Variants in SRSF10 observed in about 807,000 individuals in gnomAD.
SRSF10 encodes serine/arginine-rich splicing factor 10.
SRSF10 carries 9 observed loss-of-function variants against 32.6 expected under a neutral mutation model. The ratio of observed to expected loss-of-function variants is 0.28; its 90% CI spans 0.17 to 0.48. The LOEUF is 0.48. Ranked by LOEUF, SRSF10 falls within the 20% of genes least tolerant of loss-of-function variation. SRSF10 has a pLI of 0.99. For missense variants in SRSF10, 201 were observed against 331.8 expected (o/e 0.61, Z 3.06); for synonymous variants, 105 against 112.4 (o/e 0.93, Z 0.42).
Position 23,966,832 on chromosome 1 carries a change from A to T in SRSF10, c.*4310T>A, listed in dbSNP as rs2148492671. ...ATACTTTTAAATGGCAGATAACCACACAATTACTTATCCTTGATCGTATAT... is the reference window on the plus strand; with the variant it reads ...ATACTTTTAAATGGCAGATAACCACTCAATTACTTATCCTTGATCGTATAT... On this transcript the variant is annotated 3_prime_UTR_variant, in exon 6 of 6. Coordinates refer to ENST00000492112, the MANE Select transcript of SRSF10 (RefSeq NM_054016.4). The T allele has an allele frequency of 6.6e-6, 1 of 152,194 alleles. No individual in the cohort carries two copies. The allele number at this position is 152,194 out of a possible 1,614,324, so 9.4% of individuals were successfully genotyped here.
At position 23,969,055 on chromosome 1, in the gene SRSF10, C is replaced by G. The variant is rs1394808002; in HGVS notation, c.*2087G>C. The G allele has an allele frequency of 4.6e-6, 4 of 868,532 alleles. No homozygotes were observed. In the African/African-American group the frequency reaches 7.3e-5, roughly 16 times the overall value. The allele number at this position is 868,532 out of a possible 1,614,324, so 53.8% of individuals were successfully genotyped here. ...TGTTATTTTAGAATCATATTCAATA[C>G]TGTAATAATTCCAGTTAATCATTAT... On this transcript the variant is annotated 3_prime_UTR_variant, in exon 6 of 6. Coordinates refer to ENST00000492112, the MANE Select transcript of SRSF10 (RefSeq NM_054016.4).
At chr1:23,972,081 G>GA (rs1361495210) in intron 3 of SRSF10, 69 bp from the exon 4 acceptor site, 13 of 1,338,910 alleles carry the variant, frequency 9.7e-6, no homozygotes, top group Non-Finnish European at 1.2e-5. Flanking sequence ...AATAAATAGG[G>GA]AAAAAAATCC....
rs984759017 is a variant in SRSF10 at position 23,966,265 on chromosome 1, G to A, written c.*4877C>T. On this transcript the variant is annotated 3_prime_UTR_variant, in exon 6 of 6. Transcript: ENST00000492112. ...ACACCTCCCTTGAAAATATACCTCT[G>A]CTATATTTTCAAAATTGCTACAAAT... 2 of 151,686 alleles carry A rather than the reference G, an allele frequency of 1.3e-5. No homozygotes were observed. Among genetic ancestry groups the A allele is most frequent in the Non-Finnish European group, 3.0e-5 (2 of 67,766 alleles). The allele number at this position is 151,686 out of a possible 1,614,324, so 9.4% of individuals were successfully genotyped here.
chr1:23,969,019 A>G lies in SRSF10; in HGVS notation c.*2123T>C, dbSNP rs1347454451. 2.4e-5 allele frequency: 17 copies of G among 708,018 alleles called. No individual in the cohort carries two copies. Among genetic ancestry groups the G allele is most frequent in the Non-Finnish European group, 2.9e-5 (17 of 576,626 alleles). The allele number at this position is 708,018 out of a possible 1,614,324, so 43.9% of individuals were successfully genotyped here. A position where few individuals can be genotyped will look rare whatever the true frequency, so the allele number is the denominator to read the frequency against. ...TAAAATATTCCTAAATCTATAAAGG[A>G]CTGTTTCCATTGTTATTTTAGAATC... On this transcript the variant is annotated 3_prime_UTR_variant, in exon 6 of 6. Coordinates refer to ENST00000492112, the MANE Select transcript of SRSF10 (RefSeq NM_054016.4).
At chr1:23,974,844 AGAAAG>A in intron 3 of SRSF10, 125 bp downstream of exon 3, 1 of 713,644 alleles carries the variant, frequency 1.4e-6, no homozygotes. Flanking sequence ...AAAAAAAAAA[AGAAAG>A]AAAGAAAGAA....
chr1:23,980,100 C>T (rs1642371283), intron 1 of SRSF10, 91 bp downstream of exon 1: 1 of 1,361,146 alleles, frequency 7.3e-7, no homozygotes, highest in Non-Finnish European at 9.9e-7. Flanking sequence ...CACTCCGTCC[C>T]CTCCCCCGGC....
intron 3 of SRSF10, 77 bp from the exon 4 acceptor site, chr1:23,972,089 T>C: frequency 7.9e-6 from 10 of 1,270,392 alleles, no homozygotes; most frequent in Non-Finnish European, 9.4e-6. Flanking sequence ...GGGAAAAAAA[T>C]CCCTGCATCC....
chr1:23,974,637 T>C (rs1641974975), intron 3 of SRSF10, among the ~76,000 whole-genome samples: 1 of 152,190 alleles, frequency 6.6e-6, no homozygotes, highest in Non-Finnish European at 1.5e-5. Flanking sequence ...GAGACCGGCC[T>C]GGCCAACATG....
Position 23,968,066 on chromosome 1 carries a change from G to C in SRSF10, c.*3076C>G, listed in dbSNP as rs2148494380. On this transcript the variant is annotated 3_prime_UTR_variant, in exon 6 of 6. Transcript: ENST00000492112. The stretch of plus-strand genomic sequence containing the variant: ...ACCATTCTATTTATCATTGAGCCCA[G>C]TCATACACAGTAGGTAAACTCAGTA... The C allele has an allele frequency of 6.7e-6, 10 of 1,501,674 alleles. No homozygotes were observed. In the East Asian group the frequency reaches 2.5e-4, roughly 37 times the overall value. 93.0% of individuals were successfully genotyped at this position (1,501,674 alleles called of 1,614,324 possible).
intron 2 of SRSF10, 141 bp downstream of exon 2, chr1:23,978,572 G>T: frequency 9.1e-7 from 1 of 1,098,054 alleles, no homozygotes; most frequent in Non-Finnish European, 1.2e-6. Context: ...CAATGTGTGA[G>T]TCAGAATTAA....
Position 23,970,986 on chromosome 1 carries a change from C to T in SRSF10, c.*156G>A, listed in dbSNP as rs1464883243. On this transcript the variant is annotated 3_prime_UTR_variant, in exon 6 of 6. Coordinates refer to ENST00000492112, the MANE Select transcript of SRSF10 (RefSeq NM_054016.4). ...TGGACTCTTAAGAGTGGCTTCTCAA[C>T]AGCATATCATTTTAATTATAACCAT... 1.4e-6 allele frequency: 2 copies of T among 1,439,134 alleles called. No homozygotes were observed. The highest frequency in any genetic ancestry group is 9.1e-7 in the Non-Finnish European group (1 of 1,102,662). 89.1% of individuals were successfully genotyped at this position (1,439,134 alleles called of 1,614,324 possible).
In SRSF10 at chr1:23,969,916, G is replaced by A. The variant is rs1473325937; in HGVS notation, c.*1226C>T. The A allele has an allele frequency of 6.1e-6, 6 of 985,222 alleles. No homozygotes were observed. Among genetic ancestry groups the A allele is most frequent in the Non-Finnish European group, 7.2e-6 (6 of 829,926 alleles). 61.0% of individuals were successfully genotyped at this position (985,222 alleles called of 1,614,324 possible). ...CCTCGTATTAAATAAACTGAGGTGT[G>A]AAAAGCAGGCCTCCCTCATAAAGAG... On this transcript the variant is annotated 3_prime_UTR_variant, in exon 6 of 6. Coordinates refer to ENST00000492112, the MANE Select transcript of SRSF10 (RefSeq NM_054016.4).
At position 23,967,926 on chromosome 1, in the gene SRSF10, T is replaced by C. The variant is rs1383282747; in HGVS notation, c.*3216A>G. On this transcript the variant is annotated 3_prime_UTR_variant, in exon 6 of 6. Transcript: ENST00000492112. ...GCACCTTTCCTCTCTCACTGAAGCA[T>C]TATCTCTCATTTTTCTTCTTGCTTA... 1.9e-6 allele frequency: 3 copies of C among 1,545,982 alleles called. No homozygotes were observed. Among genetic ancestry groups the C allele is most frequent in the Non-Finnish European group, 2.6e-6 (3 of 1,146,210 alleles).
At chr1:23,975,637 TCCTTCCACTGCATGGGAA>T (rs1172329567) in intron 2 of SRSF10, 1 of 152,324 alleles carries the variant, frequency 6.6e-6, no homozygotes, top group Non-Finnish European at 1.5e-5. Context: ...TTAACTGTCT[TCCTTCCACTGCATGGGAA>T]GACAAGCACG....
At position 23,978,777 on chromosome 1, in the gene SRSF10, T is replaced by C. The variant is rs911774313; in HGVS notation, c.106A>G (p.Ile36Val). Residue 36 changes from isoleucine (I) to valine (V), a missense_variant, in exon 2 of 6, where the codon ATA becomes GTA. Physicochemically the swap from Ile to Val is conservative, Grantham distance 29. This residue lies in a region of SRSF10 where 41 missense variants were observed against 109.5 expected (regional missense o/e 0.37). Transcript: ENST00000492112. ...LRREFGRYGP[I>V]VDVYVPLDFY... ...TCAAGTGGAACATACACATCAACTA[T>C]AGGACCATAACGACCAAATTCACGC... The C allele has an allele frequency of 4.3e-6, 7 of 1,610,724 alleles. No individual in the cohort carries two copies. The highest frequency in any genetic ancestry group is 2.7e-5 in the African/African-American group (2 of 74,840).
At position 23,968,065 on chromosome 1, in the gene SRSF10, A is replaced by C; in HGVS notation, c.*3077T>G. ...AACCATTCTATTTATCATTGAGCCCAGTCATACACAGTAGGTAAACTCAGT... is the reference window on the plus strand; with the variant it reads ...AACCATTCTATTTATCATTGAGCCCCGTCATACACAGTAGGTAAACTCAGT... On this transcript the variant is annotated 3_prime_UTR_variant, in exon 6 of 6. Coordinates refer to ENST00000492112, the MANE Select transcript of SRSF10 (RefSeq NM_054016.4). The C allele has an allele frequency of 6.7e-7, 1 of 1,502,544 alleles. No homozygotes were observed. The highest frequency in any genetic ancestry group is 8.8e-7 in the Non-Finnish European group (1 of 1,132,266). The allele number at this position is 1,502,544 out of a possible 1,614,324, so 93.1% of individuals were successfully genotyped here.
At chr1:23,971,496 A>T in intron 5 of SRSF10, 57 bp from the exon 6 acceptor site, 1 of 1,588,438 alleles carries the variant, frequency 6.3e-7, no homozygotes, top group Non-Finnish European at 8.5e-7. Context: ...ATATTAATCA[A>T]ATTTGTTATT....
In SRSF10 at chr1:23,970,154, G is replaced by A. The variant is rs1459362051; in HGVS notation, c.*988C>T. ...TTCCTTTTTCCTTAAAATTATTTTT[G>A]CCATCAACGACCTGCTCAAATTTTA... On this transcript the variant is annotated 3_prime_UTR_variant, in exon 6 of 6. Transcript: ENST00000492112. 19 of 985,200 alleles carry A rather than the reference G, an allele frequency of 1.9e-5. No individual in the cohort carries two copies. Among genetic ancestry groups the A allele is most frequent in the Non-Finnish European group, 1.9e-5 (16 of 829,892 alleles). The allele number at this position is 985,200 out of a possible 1,614,324, so 61.0% of individuals were successfully genotyped here.
rs1641398779 is a variant in SRSF10 at position 23,965,291 on chromosome 1, T to G, written c.*5851A>C. On this transcript the variant is annotated 3_prime_UTR_variant, in exon 6 of 6. Transcript: ENST00000492112. ...GTCACAGATACTTCAGAATATAATCTTAGGTTTTGTAAACAGGAACATGGT... is the reference window on the plus strand; with the variant it reads ...GTCACAGATACTTCAGAATATAATCGTAGGTTTTGTAAACAGGAACATGGT... 6.6e-6 allele frequency: 1 copy of G among 152,018 alleles called. No individual in the cohort carries two copies. The highest frequency in any genetic ancestry group is 1.5e-5 in the Non-Finnish European group (1 of 67,852). 9.4% of individuals were successfully genotyped at this position (152,018 alleles called of 1,614,324 possible).
Sources: allele counts gnomAD v4.1 joint callset (sites outside exome capture counted in the v4.1 genomes callset), GRCh38; gene constraint gnomAD v4.1.1; regional missense constraint gnomAD v4.1.1; transcripts MANE v1.5; gene names NCBI Gene and HGNC (gene_info 2026-07-23, HGNC 2026-07-21).